Variants in ASMT observed in about 807,000 individuals in gnomAD.
ASMT encodes acetylserotonin O-methyltransferase.
Under a neutral mutation model 41.3 loss-of-function variants are expected in ASMT, and 53 were observed. The observed-to-expected ratio is 1.28, with a 90% CI of 1.03 to 1.61. The LOEUF is 1.61. ASMT is among the 40% of genes most tolerant of loss of function. The probability of loss-of-function intolerance (pLI) is 0.00; values close to 1 mark genes in which losing one functional copy is unlikely to be tolerated. For missense variants in ASMT, 531 were observed against 441.3 expected, an observed-to-expected ratio of 1.20 and a Z score of -1.82; for synonymous variants, 231 against 184.8, an observed-to-expected ratio of 1.25 and a Z score of -2.03.
In ASMT at chrX:1,625,954, C is replaced by CAAAAAA. The variant is rs1310481163; in HGVS notation, c.374+1570_374+1575dup. ...TGGGCGACAGAGCGAGACTCCATCT[C>CAAAAAA]AAAAAAAAAAAAAAAAAAATAGGGG... is the stretch of plus-strand genomic sequence containing the variant. On this transcript the variant is annotated intron_variant, in intron 3 of 8. Coordinates refer to ENST00000381241, the MANE Select transcript of ASMT (RefSeq NM_001171038.2). Among the ~76,000 whole-genome samples, 646 of 99,168 alleles carry CAAAAAA rather than the reference C, an allele frequency of 6.5e-3. 21 individuals are homozygous for CAAAAAA. The South Asian group carries it at 0.088, about 13-fold the overall frequency. The allele number at this position is 99,168 out of a possible 152,430, so 65.1% of individuals were successfully genotyped here.
At position 1,636,511 on chromosome X, in the gene ASMT, C is replaced by A; in HGVS notation, c.861C>A (p.Asp287Glu). 2 of 1,613,718 alleles carry A rather than the reference C, an allele frequency of 1.2e-6. No individual in the cohort carries two copies. Among genetic ancestry groups the A allele is most frequent in the Non-Finnish European group, 1.7e-6 (2 of 1,179,814 alleles). Residue 287 changes from aspartate (D) to glutamate (E), a missense_variant, in exon 8 of 9, where the codon GAC (aspartate) becomes GAA (glutamate). Physicochemically the swap from Asp to Glu is conservative, Grantham distance 45. Transcript: ENST00000381241. ...ILARVLHDWA[D>E]GKCSHLLERI... Reference sequence around the variant, plus strand: ...CCAGGGTCCTCCATGACTGGGCAGACGGAAAGTGCTCACACCTGCTGGAGA... The same window carrying A: ...CCAGGGTCCTCCATGACTGGGCAGAAGGAAAGTGCTCACACCTGCTGGAGA...
intron 4 of ASMT, among the ~76,000 whole-genome samples, chrX:1,629,335 G>A (rs1934682967): frequency 6.6e-6 from 1 of 152,024 alleles, no homozygotes; most frequent in Admixed American, 6.6e-5. Context: ...GGGGGGGGAG[G>A]AGCAGGAAAT....
At chrX:1,633,372 A>T in intron 7 of ASMT, 82 bp downstream of exon 7, 1 of 1,578,380 alleles carries the variant, frequency 6.3e-7, no homozygotes. Flanking sequence ...AATGAAGAAG[A>T]TGTGATGTGG....
At chrX:1,627,604 G>A (rs1934600056) in intron 3 of ASMT, 99 bp from the exon 4 acceptor site, 1 of 1,265,044 alleles carries the variant, frequency 7.9e-7, no homozygotes, top group Non-Finnish European at 1.2e-6. Context: ...CTGGGCTACA[G>A]AGCTGAAATG....
Position 1,642,923 on chromosome X carries a change from A to T in ASMT, c.1031A>T (p.His344Leu). The change falls in exon 9 of 9, where the codon CAC (histidine) becomes CTC (leucine). Residue 344 changes from histidine (H) to leucine (L), a missense_variant. Coordinates refer to ENST00000381241, the MANE Select transcript of ASMT (RefSeq NM_001171038.2). ...GAAGGGCAGGAGAGGACCCCCACCC[A>T]CTACCACATGCTCCTCTCTTCTGCT... ...QTEGQERTPT[H>L]YHMLLSSAGF... 1 of 1,613,956 alleles carries T rather than the reference A, an allele frequency of 6.2e-7. No individual in the cohort carries two copies. The highest frequency in any genetic ancestry group is 1.1e-5 in the South Asian group (1 of 91,070).
intron 7 of ASMT, among the ~76,000 whole-genome samples, chrX:1,634,531 G>T (rs1353508912): frequency 6.6e-6 from 1 of 152,156 alleles, no homozygotes; most frequent in Non-Finnish European, 1.5e-5. Context: ...GTGGCCCAGA[G>T]ACCCAGCTGA....
At chrX:1,633,897 C>G (rs1934866884) in intron 7 of ASMT, among the ~76,000 whole-genome samples, 1 of 152,022 alleles carries the variant, frequency 6.6e-6, no homozygotes, top group Admixed American at 6.6e-5. Flanking sequence ...CTTGGCCTCC[C>G]AAAGTGCTGG....
chrX:1,616,414 G>C (rs1463593484), intron 1 of ASMT, among the ~76,000 whole-genome samples: 4 of 151,418 alleles, frequency 2.6e-5, no homozygotes, highest in Non-Finnish European at 5.9e-5. Context: ...CTTCGAGGTG[G>C]AAAGTGGACT....
rs754583098 is a variant in ASMT, at chrX:1,615,169, C to G, written c.-31C>G. The G allele has an allele frequency of 1.9e-6, 3 of 1,569,634 alleles. No homozygotes were observed. The highest frequency in any genetic ancestry group is 1.7e-4 in the Middle Eastern group (1 of 5,994). ...CTCCTTGAAGCAAGCGCTCCAGAGG[C>G]TCCGGAAGCCACGGCTGGATTGGAG... On this transcript the variant is annotated 5_prime_UTR_variant, in exon 1 of 9. Coordinates refer to ENST00000381241, the MANE Select transcript of ASMT (RefSeq NM_001171038.2).
chrX:1,625,678 G>A (rs1448115938), intron 3 of ASMT, among the ~76,000 whole-genome samples: 5 of 151,950 alleles, frequency 3.3e-5, no homozygotes, highest in African/African-American at 1.2e-4. Context: ...TGGGTGGCCG[G>A]ACGCAGTAGC....
chrX:1,640,413 C>A (rs1371437149), intron 8 of ASMT, among the ~76,000 whole-genome samples: 39 of 15,864 alleles, frequency 2.5e-3, no homozygotes, highest in African/African-American at 5.2e-3. Flanking sequence ...AGATCCATCC[C>A]TCCTGATGGT....
intron 1 of ASMT, among the ~76,000 whole-genome samples, chrX:1,622,006 T>A (rs1339604245): frequency 2.0e-5 from 3 of 150,796 alleles, no homozygotes; most frequent in Admixed American, 6.6e-5. Flanking sequence ...ATTTATTTTT[T>A]TTGAGACGGA....
At chrX:1,642,392 C>T (rs1291022960) in intron 8 of ASMT, among the ~76,000 whole-genome samples, 2 of 151,308 alleles carry the variant, frequency 1.3e-5, no homozygotes, top group South Asian at 2.1e-4. Context: ...GAGGTCCACC[C>T]ATCCTGATGG....
chrX:1,628,744 G>C (rs1261644908), intron 4 of ASMT, among the ~76,000 whole-genome samples: 1 of 143,026 alleles, frequency 7.0e-6, no homozygotes, highest in Non-Finnish European at 1.5e-5. Flanking sequence ...TCCCTCTCTT[G>C]TCTCCTCTCT....
At position 1,629,219 on chromosome X, in the gene ASMT, G is replaced by C. The variant is rs118181965; in HGVS notation, c.444-602G>C. 1.6e-3 allele frequency among the ~76,000 whole-genome samples: 249 copies of C among 152,280 alleles called. 1 individual carries two copies. The highest frequency in any genetic ancestry group is 5.8e-3 in the African/African-American group (241 of 41,568). On this transcript the variant is annotated intron_variant, in intron 4 of 8. Coordinates refer to ENST00000381241, the MANE Select transcript of ASMT (RefSeq NM_001171038.2). The stretch of plus-strand genomic sequence containing the variant: ...TAGGCTTTTAGTGTGCCCATCACCT[G>C]AATAGTGACCGTGGTACCTAAGAGG...
chrX:1,618,520 G>C (rs1349087255), intron 1 of ASMT, among the ~76,000 whole-genome samples: 1 of 151,816 alleles, frequency 6.6e-6, no homozygotes, highest in Admixed American at 6.6e-5. Flanking sequence ...GGCTGGTCTT[G>C]AACTCCTGAC....
chrX:1,632,268 A>G (rs1214737939), intron 5 of ASMT, among the ~76,000 whole-genome samples: 2 of 152,072 alleles, frequency 1.3e-5, no homozygotes, highest in Admixed American at 1.3e-4. Flanking sequence ...GGAAGTTTGG[A>G]GCTTGGGTCA....
intron 5 of ASMT, among the ~76,000 whole-genome samples, chrX:1,632,167 T>C (rs1397788343): frequency 5.9e-5 from 9 of 152,302 alleles, no homozygotes; most frequent in African/African-American, 2.2e-4. Flanking sequence ...TGAATGGGGC[T>C]TGTTATTACA....
chrX:1,637,230 C>T (rs773391043), intron 8 of ASMT, among the ~76,000 whole-genome samples: 1 of 15,264 alleles, frequency 6.6e-5, no homozygotes, highest in African/African-American at 6.0e-4. Flanking sequence ...AGGATGTGGA[C>T]ACAGCCTCTG....
Sources: gnomAD v4.1 joint callset for allele counts (sites outside exome capture counted in the v4.1 genomes callset) on GRCh38, gnomAD v4.1.1 for gene constraint, MANE v1.5 for transcripts, NCBI Gene and HGNC (gene_info 2026-07-23, HGNC 2026-07-21) for gene names.